PDGFC: variants seen among roughly 807,000 people sequenced by gnomAD.
PDGFC encodes the protein platelet-derived growth factor C.
In PDGFC, 12 loss-of-function variants were observed where a neutral mutation model predicts 35.5. The observed-to-expected ratio is 0.34, with a 90% CI of 0.22 to 0.55. The LOEUF is 0.55. Among genes scored for constraint, PDGFC ranks in the 20% least tolerant of loss-of-function variants. The pLI is 0.91. For missense variants in PDGFC, 322 were observed against 412.4 expected (o/e 0.78, Z 1.90); for synonymous variants, 159 against 148.8 (o/e 1.07, Z -0.50).
At position 156,931,927 on chromosome 4, in the gene PDGFC, A is replaced by G. The variant is rs548147654; in HGVS notation, c.118+38859T>C. 7.2e-5 allele frequency among the ~76,000 whole-genome samples: 11 copies of G among 152,228 alleles called. No individual in the cohort carries two copies. In the South Asian group the frequency reaches 2.3e-3, roughly 32 times the overall value. On this transcript the variant is annotated intron_variant, in intron 1 of 5. Coordinates refer to ENST00000502773, the MANE Select transcript of PDGFC (RefSeq NM_016205.3). Reference sequence around the variant, plus strand: ...TTGAAAATTGTTCTATACATTACTCATAAGAAATATATTACAGCAACATTT... The same window carrying G: ...TTGAAAATTGTTCTATACATTACTCGTAAGAAATATATTACAGCAACATTT...
intron 1 of PDGFC, among the ~76,000 whole-genome samples, chr4:156,904,563 CTCT>C (rs1173231539): frequency 1.3e-5 from 2 of 152,050 alleles, no homozygotes; most frequent in African/African-American, 2.4e-5. Flanking sequence ...AATGAATAAT[CTCT>C]TAAGATTTTT....
intron 1 of PDGFC, among the ~76,000 whole-genome samples, chr4:156,898,943 C>A (rs562310093): frequency 6.6e-6 from 1 of 152,354 alleles, no homozygotes; most frequent in African/African-American, 2.4e-5. Context: ...AGGCATGAGT[C>A]ACTGAGCCCA....
Position 156,860,452 on chromosome 4 carries a change from T to A in PDGFC, c.119-10036A>T, listed in dbSNP as rs555267014. On this transcript the variant is annotated intron_variant, in intron 1 of 5. Transcript: ENST00000502773. Reference sequence around the variant, plus strand: ...TTTCCATGAAATCTAATTCTGTAGTTGAAAATTCTCCACTATGTTCCTTAT... The same window carrying A: ...TTTCCATGAAATCTAATTCTGTAGTAGAAAATTCTCCACTATGTTCCTTAT... Among the ~76,000 whole-genome samples, 9 of 152,250 alleles carry A rather than the reference T, an allele frequency of 5.9e-5. No individual in the cohort carries two copies. In the South Asian group the frequency reaches 1.9e-3, roughly 32 times the overall value.
At chr4:156,903,776 T>A (rs996397445) in intron 1 of PDGFC, among the ~76,000 whole-genome samples, 1 of 152,128 alleles carries the variant, frequency 6.6e-6, no homozygotes, top group African/African-American at 2.4e-5. Flanking sequence ...AACGAGTAAT[T>A]CTGTAGAATC....
At chr4:156,891,149 G>A (rs1198370195) in intron 1 of PDGFC, among the ~76,000 whole-genome samples, 1 of 151,832 alleles carries the variant, frequency 6.6e-6, no homozygotes, top group African/African-American at 2.4e-5. Flanking sequence ...ACAAAGGTAA[G>A]TATTTATGTA....
chr4:156,777,585 C>T (rs1456454372), intron 3 of PDGFC, among the ~76,000 whole-genome samples: 1 of 152,036 alleles, frequency 6.6e-6, no homozygotes, highest in Non-Finnish European at 1.5e-5. Flanking sequence ...CAGAAGAAAC[C>T]AAACCTACTG....
At chr4:156,969,425 G>A (rs1209160765) in intron 1 of PDGFC, among the ~76,000 whole-genome samples, 1 of 152,182 alleles carries the variant, frequency 6.6e-6, no homozygotes, top group African/African-American at 2.4e-5. Context: ...GTTGTAAGAA[G>A]CACCACACTA....
intron 2 of PDGFC, among the ~76,000 whole-genome samples, chr4:156,828,572 G>T (rs969190461): frequency 1.3e-5 from 2 of 151,996 alleles, no homozygotes; most frequent in African/African-American, 4.8e-5. Flanking sequence ...TTTCTTCAGT[G>T]ACCATTATAA....
At chr4:156,856,099 T>C (rs994451128) in intron 1 of PDGFC, among the ~76,000 whole-genome samples, 42 of 152,282 alleles carry the variant, frequency 2.8e-4, no homozygotes, top group African/African-American at 9.9e-4. Context: ...TTCTGCTTTA[T>C]CATCATTTCC....
chr4:156,858,636 T>A (rs898297168), intron 1 of PDGFC, among the ~76,000 whole-genome samples: 1 of 152,118 alleles, frequency 6.6e-6, no homozygotes, highest in Non-Finnish European at 1.5e-5. Flanking sequence ...ATTTTTTAAA[T>A]ATGTAATCAA....
At chr4:156,891,127 G>A (rs533463664) in intron 1 of PDGFC, among the ~76,000 whole-genome samples, 1 of 151,744 alleles carries the variant, frequency 6.6e-6, no homozygotes, top group Admixed American at 6.6e-5. Flanking sequence ...AAATACTGTA[G>A]GCAACTGTAA....
At chr4:156,921,603 A>C (rs769737904) in intron 1 of PDGFC, among the ~76,000 whole-genome samples, 2 of 152,186 alleles carry the variant, frequency 1.3e-5, no homozygotes, top group Non-Finnish European at 2.9e-5. Context: ...GATCAAGCCA[A>C]GACACAGAAA....
At chr4:156,845,830 C>A (rs1482818650) in intron 2 of PDGFC, among the ~76,000 whole-genome samples, 1 of 151,860 alleles carries the variant, frequency 6.6e-6, no homozygotes, top group East Asian at 1.9e-4. Flanking sequence ...TCAAATTTTA[C>A]CTTTTGAAAA....
chr4:156,801,850 A>G (rs1579018148), intron 3 of PDGFC, among the ~76,000 whole-genome samples: 2 of 152,320 alleles, frequency 1.3e-5, no homozygotes, highest in African/African-American at 4.8e-5. Context: ...AAAGCAAAAA[A>G]TTAAGCTGAA....
intron 1 of PDGFC, among the ~76,000 whole-genome samples, chr4:156,919,280 C>T (rs1017627693): frequency 6.6e-6 from 1 of 152,144 alleles, no homozygotes. Flanking sequence ...AATGCATGCG[C>T]TTTACATACA....
intron 1 of PDGFC, among the ~76,000 whole-genome samples, chr4:156,888,118 C>T (rs1057146143): frequency 1.3e-5 from 2 of 151,872 alleles, no homozygotes; most frequent in Non-Finnish European, 2.9e-5. Context: ...ATGACAATTA[C>T]GGAGGTACCC....
At chr4:156,916,089 C>T (rs2110823450) in intron 1 of PDGFC, among the ~76,000 whole-genome samples, 1 of 152,216 alleles carries the variant, frequency 6.6e-6, no homozygotes, top group East Asian at 1.9e-4. Flanking sequence ...TTCTTGAGCC[C>T]ACTGCTCATA....
intron 2 of PDGFC, among the ~76,000 whole-genome samples, chr4:156,818,113 C>G (rs1732143217): frequency 6.9e-6 from 1 of 144,174 alleles, no homozygotes; most frequent in South Asian, 2.3e-4. Flanking sequence ...TTTGAAATGG[C>G]AATACTAGAT....
At chr4:156,824,325 T>TATATACACACATATACAC (rs1313538089) in intron 2 of PDGFC, among the ~76,000 whole-genome samples, 99 of 109,514 alleles carry the variant, frequency 9.0e-4, no homozygotes, top group African/African-American at 4.5e-3. Flanking sequence ...TATATATATA[T>TATATACACACATATACAC]ATACACACAC....
Sources: allele counts gnomAD v4.1 joint callset (sites outside exome capture counted in the v4.1 genomes callset), GRCh38; gene constraint gnomAD v4.1.1; transcripts MANE v1.5; gene names NCBI Gene and HGNC (gene_info 2026-07-23, HGNC 2026-07-21).